Variants in SDK1 observed in about 807,000 individuals in gnomAD.
The protein encoded by SDK1 is sidekick cell adhesion molecule 1, also known as protein sidekick-1.
SDK1 carries 157 observed loss-of-function variants against 245.5 expected under a neutral mutation model. The observed-to-expected ratio is 0.64, with a 90% CI of 0.56 to 0.73. The LOEUF (loss-of-function observed/expected upper bound fraction) is 0.73. Among genes scored for constraint, SDK1 ranks in the 30% least tolerant of loss-of-function variants. SDK1 has a pLI of 0.00. For synonymous variants in SDK1, 1,647 were observed against 1,278.5 expected (o/e 1.29, Z -6.15); for missense variants, 3,583 against 3,002.3 (o/e 1.19, Z -4.52).
chr7:4,175,495 C>T, intron 33 of SDK1, among the ~76,000 whole-genome samples: 1 of 152,222 alleles, frequency 6.6e-6, no homozygotes, highest in East Asian at 1.9e-4. Context: ...CTAAGTTGTG[C>T]CAAAAACTAG....
chr7:3,451,263 C>T (rs1046986227), intron 1 of SDK1, among the ~76,000 whole-genome samples: 4 of 151,440 alleles, frequency 2.6e-5, no homozygotes, highest in South Asian at 2.1e-4. Context: ...GAGACAAGCC[C>T]GGAGTTCCAG....
intron 1 of SDK1, among the ~76,000 whole-genome samples, chr7:3,503,359 A>T (rs1347494193): frequency 6.6e-6 from 1 of 152,160 alleles, no homozygotes; most frequent in Admixed American, 6.6e-5. Context: ...GACACCTTAC[A>T]CAACTGTGAA....
Position 4,185,408 on chromosome 7 carries a change from C to T in SDK1, c.5098+6822C>T, listed in dbSNP as rs1034079659. Among the ~76,000 whole-genome samples, 28 of 152,314 alleles carry T rather than the reference C, an allele frequency of 1.8e-4. 1 individual carries two copies. The highest frequency in any genetic ancestry group is 6.3e-4 in the African/African-American group (26 of 41,576). Reference sequence around the variant, plus strand: ...GATGGGCCCTGGTCTCAGGTTAAGCCTGCACTCCTGCCCAGACCCCAAGCA... The same window carrying T: ...GATGGGCCCTGGTCTCAGGTTAAGCTTGCACTCCTGCCCAGACCCCAAGCA... On this transcript the variant is annotated intron_variant, in intron 35 of 44. Transcript: ENST00000404826.
chr7:4,256,592 C>G (rs1461694262), intron 44 of SDK1, among the ~76,000 whole-genome samples: 1 of 152,214 alleles, frequency 6.6e-6, no homozygotes, highest in East Asian at 1.9e-4. Flanking sequence ...GACGTTTATC[C>G]TCTCTACTGG....
intron 4 of SDK1, among the ~76,000 whole-genome samples, chr7:3,728,261 C>T (rs545951149): frequency 6.6e-6 from 1 of 152,222 alleles, no homozygotes; most frequent in Non-Finnish European, 1.5e-5. Flanking sequence ...TGTACTACTT[C>T]TACCTATTTT....
At chr7:4,130,640 G>A (rs1450645391) in intron 27 of SDK1, among the ~76,000 whole-genome samples, 1 of 152,222 alleles carries the variant, frequency 6.6e-6, no homozygotes, top group East Asian at 1.9e-4. Context: ...AGGGTCCCCA[G>A]CTCCCTGAGT....
chr7:3,949,373 A>G (rs1780706407), intron 5 of SDK1, among the ~76,000 whole-genome samples: 1 of 152,270 alleles, frequency 6.6e-6, no homozygotes. Flanking sequence ...AGTGCAAGGC[A>G]GAGCACAGAG....
At chr7:3,762,912 G>A (rs954826307) in intron 4 of SDK1, among the ~76,000 whole-genome samples, 6 of 152,126 alleles carry the variant, frequency 3.9e-5, no homozygotes, top group African/African-American at 1.4e-4. Context: ...ATGCTGATGT[G>A]TGCACAAGTC....
intron 22 of SDK1, among the ~76,000 whole-genome samples, chr7:4,083,546 C>CTTCA (rs1554335125): frequency 6.4e-5 from 6 of 93,166 alleles, no homozygotes; most frequent in African/African-American, 2.9e-4. Flanking sequence ...CCCTCCCTCC[C>CTTCA]TCCCTCCCTC....
chr7:3,648,976 T>G (rs1782928480), intron 4 of SDK1, among the ~76,000 whole-genome samples: 1 of 152,234 alleles, frequency 6.6e-6, no homozygotes, highest in South Asian at 2.1e-4. Context: ...GGGGGTGCCA[T>G]GGCAGTTGTT....
chr7:3,601,280 T>G (rs1314726465), intron 1 of SDK1, among the ~76,000 whole-genome samples: 3 of 152,162 alleles, frequency 2.0e-5, no homozygotes, highest in Admixed American at 6.5e-5. Context: ...TGGACAAAAT[T>G]ATGTACATTG....
At chr7:4,150,827 C>T (rs1780322066) in intron 30 of SDK1, among the ~76,000 whole-genome samples, 1 of 152,234 alleles carries the variant, frequency 6.6e-6, no homozygotes, top group Non-Finnish European at 1.5e-5. Context: ...AAACCCCCAT[C>T]CCTGGCTTGA....
intron 5 of SDK1, among the ~76,000 whole-genome samples, chr7:3,842,136 C>G (rs1358839031): frequency 6.6e-6 from 1 of 152,230 alleles, no homozygotes; most frequent in African/African-American, 2.4e-5. Context: ...TTGTTCAATA[C>G]TGTCCTTCCC....
intron 40 of SDK1, among the ~76,000 whole-genome samples, chr7:4,224,982 C>CAAAAAAAAAA: frequency 2.3e-5 from 1 of 43,714 alleles, no homozygotes; most frequent in Non-Finnish European, 4.6e-5. Context: ...GACTCTGTCT[C>CAAAAAAAAAA]AAAAAAAAAA....
At chr7:3,467,667 C>G (rs991515444) in intron 1 of SDK1, among the ~76,000 whole-genome samples, 1 of 151,950 alleles carries the variant, frequency 6.6e-6, no homozygotes, top group Non-Finnish European at 1.5e-5. Context: ...TTGTTTAAAC[C>G]TTACATTCAA....
intron 1 of SDK1, among the ~76,000 whole-genome samples, chr7:3,314,930 C>T (rs921986834): frequency 6.6e-6 from 1 of 151,796 alleles, no homozygotes; most frequent in Non-Finnish European, 1.5e-5. Flanking sequence ...CTCATTTGGC[C>T]TGTGAATTGT....
intron 1 of SDK1, among the ~76,000 whole-genome samples, chr7:3,536,082 A>T (rs1277500899): frequency 6.7e-5 from 10 of 149,270 alleles, no homozygotes; most frequent in Non-Finnish European, 1.5e-4. Context: ...TCTTAGACGG[A>T]GTCTCACTCT....
chr7:4,263,242 G>A (rs1467235544), intron 44 of SDK1, among the ~76,000 whole-genome samples: 5 of 130,270 alleles, frequency 3.8e-5, no homozygotes, highest in Admixed American at 1.7e-4. Flanking sequence ...GTTTTGGTCT[G>A]TAGCAGCCCA....
At chr7:4,248,707 TAC>T (rs1203125111) in intron 44 of SDK1, among the ~76,000 whole-genome samples, 1 of 151,542 alleles carries the variant, frequency 6.6e-6, no homozygotes, top group Non-Finnish European at 1.5e-5. Context: ...TGCACACATG[TAC>T]ACACACGCAC....
Sources: allele counts gnomAD v4.1 joint callset (sites outside exome capture counted in the v4.1 genomes callset), GRCh38; gene constraint gnomAD v4.1.1; transcripts MANE v1.5; gene names NCBI Gene and HGNC (gene_info 2026-07-23, HGNC 2026-07-21).